The following TP63 variants were observed in gnomAD, a reference collection of about 807,000 sequenced individuals.
The protein encoded by TP63 is tumor protein p63, also known as tumor protein 63.
Under a neutral mutation model 82.8 loss-of-function variants are expected in TP63, and 17 were observed. The observed-to-expected ratio is 0.21, with a 90% CI of 0.14 to 0.31. The LOEUF is 0.31. Ranked by LOEUF, TP63 falls within the 10% of genes least tolerant of loss-of-function variation. TP63 has a pLI of 1.00. For synonymous variants in TP63, 330 were observed against 321.7 expected (o/e 1.03, Z -0.28); for missense variants, 648 against 895.3 (o/e 0.72, Z 3.52).
intron 4 of TP63, among the ~76,000 whole-genome samples, chr3:189,859,747 A>G (rs1716771124): frequency 6.6e-6 from 1 of 152,202 alleles, no homozygotes; most frequent in South Asian, 2.1e-4. Context: ...CGTTCATAAT[A>G]GTTTTATACA....
At chr3:189,727,483 T>A (rs533465202) in intron 1 of TP63, among the ~76,000 whole-genome samples, 1 of 152,364 alleles carries the variant, frequency 6.6e-6, no homozygotes, top group Admixed American at 6.5e-5. Context: ...AAGATCACTG[T>A]TAATAAGTTA....
chr3:189,601,603 A>AG, the TP63 span, among the ~76,000 whole-genome samples: 3 of 152,178 alleles, frequency 2.0e-5, no homozygotes, highest in African/African-American at 7.2e-5. Context: ...AGAACATTGA[A>AG]GTGATACTTG....
chr3:189,873,263 C>G (rs1023266454), intron 10 of TP63: 2 of 542,122 alleles, frequency 3.7e-6, no homozygotes, highest in Non-Finnish European at 6.7e-6. Flanking sequence ...TAACAGTTCT[C>G]GTCTCTATAT....
chr3:189,665,091 C>T (rs938943374), intron 1 of TP63, among the ~76,000 whole-genome samples: 5 of 152,124 alleles, frequency 3.3e-5, no homozygotes, highest in African/African-American at 1.2e-4. Context: ...CTTACTATTA[C>T]CTGTGTTCTC....
intron 3 of TP63, among the ~76,000 whole-genome samples, chr3:189,781,700 CTAT>C (rs1051028638): frequency 2.6e-5 from 4 of 152,124 alleles, no homozygotes; most frequent in African/African-American, 9.7e-5. Context: ...CCTGCCCAAC[CTAT>C]TATTCCTGCT....
the TP63 span, among the ~76,000 whole-genome samples, chr3:189,613,140 C>T: frequency 6.6e-6 from 1 of 152,210 alleles, no homozygotes; most frequent in Non-Finnish European, 1.5e-5. Context: ...GGGATAATGT[C>T]TCCAGGCCAT....
intron 3 of TP63, among the ~76,000 whole-genome samples, chr3:189,774,832 A>G (rs973816606): frequency 6.6e-6 from 1 of 152,230 alleles, no homozygotes; most frequent in African/African-American, 2.4e-5. Context: ...GTTACTATGA[A>G]GTACTGTACA....
chr3:189,868,818 CA>C, intron 8 of TP63, 102 bp downstream of exon 8: 1 of 1,590,770 alleles, frequency 6.3e-7, no homozygotes, highest in Admixed American at 1.7e-5. Context: ...CTGTGACCTT[CA>C]GCAGCAAGTG....
chr3:189,896,629 T>C lies in TP63; in HGVS notation c.*2127T>C. 4.8e-6 allele frequency: 1 copy of C among 208,146 alleles called. No homozygotes were observed. Among genetic ancestry groups the C allele is most frequent in the Non-Finnish European group, 9.8e-6 (1 of 101,640 alleles). The allele number at this position is 208,146 out of a possible 1,614,324, so 12.9% of individuals were successfully genotyped here. On this transcript the variant is annotated 3_prime_UTR_variant, in exon 14 of 14. Coordinates refer to ENST00000264731, the MANE Select transcript of TP63 (RefSeq NM_003722.5). ...TAGTAAGAAGACAAACTGCTTCCCT[T>C]ACTTTGCTGAGGGTTTGAATAAACC...
At chr3:189,772,819 G>T (rs1238418545) in intron 3 of TP63, among the ~76,000 whole-genome samples, 1 of 152,168 alleles carries the variant, frequency 6.6e-6, no homozygotes, top group South Asian at 2.1e-4. Flanking sequence ...GAGACAAGCT[G>T]CCAGAGAAGT....
intron 4 of TP63, among the ~76,000 whole-genome samples, chr3:189,823,861 AG>A (rs1729053743): frequency 6.6e-6 from 1 of 152,192 alleles, no homozygotes; most frequent in Non-Finnish European, 1.5e-5. Context: ...TAGAGGCAGC[AG>A]GTATACCTTT....
chr3:189,665,343 T>C (rs992453928), intron 1 of TP63, among the ~76,000 whole-genome samples: 1 of 152,140 alleles, frequency 6.6e-6, no homozygotes, highest in Non-Finnish European at 1.5e-5. Flanking sequence ...TCACAAATAT[T>C]GATCAGCTTC....
At chr3:189,718,644 G>A (rs181369475) in intron 1 of TP63, among the ~76,000 whole-genome samples, 2 of 151,634 alleles carry the variant, frequency 1.3e-5, no homozygotes, top group East Asian at 1.9e-4. Context: ...CATTTAGCAG[G>A]CTAAGTGTAA....
intron 1 of TP63, among the ~76,000 whole-genome samples, chr3:189,675,867 G>T (rs1715346168): frequency 6.6e-6 from 1 of 152,086 alleles, no homozygotes; most frequent in Non-Finnish European, 1.5e-5. Context: ...TGTTCTTCTG[G>T]TGTGTTAATT....
chr3:189,651,383 T>C (rs1206933077), intron 1 of TP63, among the ~76,000 whole-genome samples: 1 of 145,860 alleles, frequency 6.9e-6, no homozygotes, highest in Non-Finnish European at 1.5e-5. Context: ...CAATCTCTTC[T>C]AAAAATACGA....
At chr3:189,767,166 T>C (rs1390508425) in intron 3 of TP63, among the ~76,000 whole-genome samples, 1 of 152,214 alleles carries the variant, frequency 6.6e-6, no homozygotes, top group Non-Finnish European at 1.5e-5. Flanking sequence ...TTGTAGAGTA[T>C]ATACTTCAAA....
chr3:189,672,664 A>AAAGAAG (rs1715010926), intron 1 of TP63, among the ~76,000 whole-genome samples: 1 of 118,674 alleles, frequency 8.4e-6, no homozygotes, highest in African/African-American at 3.2e-5. Flanking sequence ...AAGGAAGGAA[A>AAAGAAG]GAAGGAAGGA....
intron 10 of TP63, among the ~76,000 whole-genome samples, chr3:189,884,761 C>A (rs1344185512): frequency 6.6e-6 from 1 of 152,142 alleles, no homozygotes; most frequent in Non-Finnish European, 1.5e-5. Context: ...GTAAAATACA[C>A]CTGAATTGTT....
chr3:189,850,145 G>A (rs1715435638), intron 4 of TP63, among the ~76,000 whole-genome samples: 2 of 151,308 alleles, frequency 1.3e-5, no homozygotes, highest in Admixed American at 6.6e-5. Flanking sequence ...AGCCAGAAGT[G>A]GTGGCACTCG....
Sources: gnomAD v4.1 joint callset for allele counts (sites outside exome capture counted in the v4.1 genomes callset) on GRCh38, gnomAD v4.1.1 for gene constraint, MANE v1.5 for transcripts, NCBI Gene and HGNC (gene_info 2026-07-23, HGNC 2026-07-21) for gene names.